MIX23: variants seen among roughly 807,000 people sequenced by gnomAD.
MIX23 encodes the protein protein MIX23.
Under a neutral mutation model 21.6 loss-of-function variants are expected in MIX23, and 13 were observed. The observed-to-expected ratio is 0.60, with a 90% confidence interval of 0.39 to 0.96. The LOEUF (loss-of-function observed/expected upper bound fraction) is 0.96. Ranked by LOEUF, MIX23 falls within the 40% of genes least tolerant of loss-of-function variation. MIX23 has a pLI of 0.00. For synonymous variants in MIX23, 59 were observed against 58.0 expected (o/e 1.02, Z -0.08); for missense variants, 144 against 171.2 (o/e 0.84, Z 0.89).
At chr3:122,374,967 C>T (rs529051519) in intron 1 of MIX23, among the ~76,000 whole-genome samples, 3 of 152,124 alleles carry the variant, frequency 2.0e-5, no homozygotes, top group Non-Finnish European at 4.4e-5. Context: ...ATTGAACCAA[C>T]GATAGGAACA....
intron 4 of MIX23, among the ~76,000 whole-genome samples, chr3:122,361,638 G>A (rs1219023393): frequency 6.6e-6 from 1 of 152,028 alleles, no homozygotes; most frequent in Non-Finnish European, 1.5e-5. Flanking sequence ...ATAAACTTCT[G>A]CACTTGTTTT....
At chr3:122,360,897 G>A (rs1366949769) in intron 4 of MIX23, among the ~76,000 whole-genome samples, 1 of 152,178 alleles carries the variant, frequency 6.6e-6, no homozygotes, top group Non-Finnish European at 1.5e-5. Flanking sequence ...AGGCTGGAGT[G>A]CAATGGCGTG....
chr3:122,362,878 C>T, intron 4 of MIX23, 90 bp downstream of exon 4: 1 of 956,326 alleles, frequency 1.0e-6, no homozygotes, highest in South Asian at 1.3e-5. Context: ...CTTACAGCCT[C>T]AAGGCACTCT....
At chr3:122,371,162 T>C (rs892705477) in intron 2 of MIX23, among the ~76,000 whole-genome samples, 3 of 152,240 alleles carry the variant, frequency 2.0e-5, no homozygotes, top group African/African-American at 7.2e-5. Flanking sequence ...ATGAAAAATG[T>C]ATACTTGAGA....
Position 122,359,676 on chromosome 3 carries a change from T to C in MIX23, c.*193A>G. On this transcript the variant is annotated 3_prime_UTR_variant, in exon 5 of 5. Transcript: ENST00000291458. ...AATCAGTATAAAATAGCAGTTGATT[T>C]CTCCATAATTATCAGAATTATTTAT... The C allele has an allele frequency of 4.8e-6, 2 of 412,596 alleles. No individual in the cohort carries two copies. Among genetic ancestry groups the C allele is most frequent in the African/African-American group, 4.1e-5 (2 of 48,390 alleles). The allele number at this position is 412,596 out of a possible 1,614,324, so 25.6% of individuals were successfully genotyped here. A position where few individuals can be genotyped will look rare whatever the true frequency, so the allele number is the denominator to read the frequency against.
chr3:122,360,278 C>T (rs545229854), intron 4 of MIX23, among the ~76,000 whole-genome samples: 6 of 152,144 alleles, frequency 3.9e-5, no homozygotes, highest in Admixed American at 1.3e-4. Flanking sequence ...ATAAAGAATG[C>T]TCAATAACTA....
At chr3:122,368,040 A>T in intron 3 of MIX23, 136 bp downstream of exon 3, 1 of 709,426 alleles carries the variant, frequency 1.4e-6, no homozygotes, top group Admixed American at 2.6e-5. Context: ...CTCACTAAAA[A>T]TGAAGCACTA....
intron 4 of MIX23, among the ~76,000 whole-genome samples, chr3:122,361,383 T>G (rs2075358058): frequency 6.6e-6 from 1 of 152,166 alleles, no homozygotes; most frequent in Non-Finnish European, 1.5e-5. Context: ...AGGCTTCAGT[T>G]TAGTGGCCTT....
chr3:122,375,361 A>G (rs1424182265), intron 1 of MIX23, among the ~76,000 whole-genome samples: 1 of 152,236 alleles, frequency 6.6e-6, no homozygotes, highest in Non-Finnish European at 1.5e-5. Context: ...TGGAAAGAGT[A>G]GGAACATCAA....
chr3:122,365,133 G>A (rs1248482821), intron 3 of MIX23, among the ~76,000 whole-genome samples: 3 of 152,212 alleles, frequency 2.0e-5, no homozygotes, highest in African/African-American at 7.2e-5. Context: ...CCACTAACAT[G>A]TGACAGCAGT....
chr3:122,362,288 C>T (rs2075363610), intron 4 of MIX23, among the ~76,000 whole-genome samples: 1 of 152,070 alleles, frequency 6.6e-6, no homozygotes, highest in Non-Finnish European at 1.5e-5. Flanking sequence ...GATAGGAAAA[C>T]TTACGGAAAG....
intron 3 of MIX23, chr3:122,367,677 T>C (rs2075407277): frequency 6.5e-6 from 1 of 154,438 alleles, no homozygotes; most frequent in African/African-American, 2.4e-5. Flanking sequence ...CTGGTTATAT[T>C]TAAATCATAC....
intron 2 of MIX23, among the ~76,000 whole-genome samples, chr3:122,370,389 G>A (rs2075431683): frequency 6.7e-6 from 1 of 149,334 alleles, no homozygotes; most frequent in Admixed American, 6.7e-5. Context: ...CCCAGGAGGT[G>A]GAGGCTGCAC....
chr3:122,373,437 A>G (rs1405476309), intron 1 of MIX23, among the ~76,000 whole-genome samples: 4 of 151,944 alleles, frequency 2.6e-5, no homozygotes, highest in African/African-American at 7.3e-5. Context: ...CACCTTGCTA[A>G]TTTTTTTGTA....
chr3:122,380,897 T>C (rs2075526175), intron 1 of MIX23, among the ~76,000 whole-genome samples: 1 of 152,118 alleles, frequency 6.6e-6, no homozygotes, highest in African/African-American at 2.4e-5. Flanking sequence ...GTGATGAATC[T>C]TCCTAAAGCA....
In MIX23 at chr3:122,362,907, T is replaced by C. The variant is rs1270698015; in HGVS notation, c.384+61A>G. 7 of 1,404,150 alleles carry C rather than the reference T, an allele frequency of 5.0e-6. No individual in the cohort carries two copies. In the Admixed American group the frequency reaches 5.4e-5, roughly 11 times the overall value. The allele number at this position is 1,404,150 out of a possible 1,614,324, so 87.0% of individuals were successfully genotyped here. A position where few individuals can be genotyped will look rare whatever the true frequency, so the allele number is the denominator to read the frequency against. ...GCACTCTTTACTCCCCCTCCCTTGG[T>C]TTCCCTTTGCTAGTTCAGTTTCCCT... On this transcript the variant is annotated intron_variant, in intron 4 of 4. Transcript: ENST00000291458.
At chr3:122,382,971 T>G (rs2075546620) in intron 1 of MIX23, among the ~76,000 whole-genome samples, 1 of 152,214 alleles carries the variant, frequency 6.6e-6, no homozygotes, top group Non-Finnish European at 1.5e-5. Context: ...GAGAGAACTA[T>G]GACCCCCCTC....
intron 3 of MIX23, among the ~76,000 whole-genome samples, chr3:122,364,422 A>G (rs2075381702): frequency 6.6e-6 from 1 of 152,244 alleles, no homozygotes; most frequent in Admixed American, 6.5e-5. Context: ...TGACTGCCAA[A>G]GAAATAATTT....
rs527562300 is a variant in MIX23 at position 122,359,830 on chromosome 3, T to TAAAAAAAAAAA, written c.*28_*38dup. The TAAAAAAAAAAA allele has an allele frequency of 6.0e-5, 60 of 1,007,784 alleles. No individual in the cohort carries two copies. The highest frequency in any genetic ancestry group is 6.8e-5 in the Non-Finnish European group (53 of 782,410). 62.4% of individuals were successfully genotyped at this position (1,007,784 alleles called of 1,614,324 possible). ...AGCTCTTATGAGATGACCCAGTCCT[T>TAAAAAAAAAAA]AAAAAAAAAAAAAAAAAAAAAAAAA... On this transcript the variant is annotated 3_prime_UTR_variant, in exon 5 of 5. Transcript: ENST00000291458.
Sources: allele counts gnomAD v4.1 joint callset (sites outside exome capture counted in the v4.1 genomes callset), GRCh38; gene constraint gnomAD v4.1.1; transcripts MANE v1.5; gene names NCBI Gene and HGNC (gene_info 2026-07-23, HGNC 2026-07-21).